The following EDARADD variants were observed in gnomAD, a reference collection of about 807,000 sequenced individuals.
EDARADD encodes ectodysplasin-A receptor-associated adapter protein.
In EDARADD, 20 loss-of-function variants were observed where a neutral mutation model predicts 25.6. That is an observed-to-expected ratio of 0.78 (90% CI 0.55 to 1.14). The LOEUF (loss-of-function observed/expected upper bound fraction) is 1.14. EDARADD is among the 50% of genes most tolerant of loss of function. The probability of loss-of-function intolerance (pLI) is 0.00; values close to 1 mark genes in which losing one functional copy is unlikely to be tolerated. For missense variants in EDARADD, 225 were observed against 270.1 expected (o/e 0.83, Z 1.17); for synonymous variants, 86 against 94.4 (o/e 0.91, Z 0.52).
upstream of EDARADD, among the ~76,000 whole-genome samples, chr1:236,390,944 G>T (rs2385384): frequency 6.7e-6 from 1 of 150,000 alleles, no homozygotes; most frequent in African/African-American, 2.4e-5. Flanking sequence ...TGGGTTAGTT[G>T]TTATTATTAT....
At chr1:236,397,550 T>C (rs1572127622) in intron 1 of EDARADD, among the ~76,000 whole-genome samples, 1 of 152,144 alleles carries the variant, frequency 6.6e-6, no homozygotes, top group South Asian at 2.1e-4. Context: ...CCAGGACATG[T>C]GGAGGAGTGA....
chr1:236,450,306 A>G (rs1658676876), intron 4 of EDARADD, among the ~76,000 whole-genome samples: 1 of 151,748 alleles, frequency 6.6e-6, no homozygotes, highest in Admixed American at 6.6e-5. Context: ...AAATAATAAT[A>G]ATAATAAAGA....
intron 3 of EDARADD, among the ~76,000 whole-genome samples, chr1:236,376,081 T>C (rs568235378): frequency 6.6e-6 from 1 of 151,518 alleles, no homozygotes; most frequent in East Asian, 2.0e-4. Flanking sequence ...ATTACAGGCA[T>C]GCACCACCAT....
chr1:236,483,561 C>T lies in EDARADD; in HGVS notation c.*912C>T, dbSNP rs1188840570. On this transcript the variant is annotated 3_prime_UTR_variant, in exon 6 of 6. Transcript: ENST00000334232. ...TGAGAAGGGGGTTCCCCTGTACCAC[C>T]ACATCGCCGACTTGTCTGGCAACTC... 1 of 1,267,810 alleles carries T rather than the reference C, an allele frequency of 7.9e-7. No individual in the cohort carries two copies. Among genetic ancestry groups the T allele is most frequent in the African/African-American group, 1.5e-5 (1 of 67,852 alleles). The allele number at this position is 1,267,810 out of a possible 1,614,324, so 78.5% of individuals were successfully genotyped here.
chr1:236,455,373 A>G (rs144128663), intron 4 of EDARADD, among the ~76,000 whole-genome samples: 4 of 152,300 alleles, frequency 2.6e-5, no homozygotes, highest in African/African-American at 9.6e-5. Context: ...GCTGGAGATG[A>G]TATCTGGTGT....
Position 236,395,430 on chromosome 1 carries a change from GA to G in EDARADD, c.61+927del. On this transcript the variant is annotated intron_variant, in intron 1 of 5. Coordinates refer to ENST00000334232, the MANE Select transcript of EDARADD (RefSeq NM_145861.4). This position sits in a 1 kb window ranked among gnomAD's most constrained non-coding sequence, Gnocchi z 6.9. ...GGGGCTTTGCTAATTGCCAAAGCAG[GA>G]AGTGAGCTCGTGGAAGAAGCGAAGG... is the stretch of plus-strand genomic sequence containing the variant. The G allele has an allele frequency of 6.8e-7, 1 of 1,461,968 alleles. No homozygotes were observed. The highest frequency in any genetic ancestry group is 9.0e-7 in the Non-Finnish European group (1 of 1,108,286). 90.6% of individuals were successfully genotyped at this position (1,461,968 alleles called of 1,614,324 possible). A position where few individuals can be genotyped will look rare whatever the true frequency, so the allele number is the denominator to read the frequency against.
chr1:236,372,026 G>C (rs970586676), intron 3 of EDARADD, among the ~76,000 whole-genome samples: 1 of 151,874 alleles, frequency 6.6e-6, no homozygotes, highest in Non-Finnish European at 1.5e-5. Flanking sequence ...GTGCGATCTC[G>C]GCTCACTGCA....
chr1:236,397,617 A>T (rs1188781204), intron 1 of EDARADD, among the ~76,000 whole-genome samples: 1 of 152,106 alleles, frequency 6.6e-6, no homozygotes, highest in Non-Finnish European at 1.5e-5. Flanking sequence ...TGTCTCTTTG[A>T]CTTCAAGAGG....
Position 236,395,417 on chromosome 1 carries a change from A to T in EDARADD, c.61+912A>T. 1 of 1,442,642 alleles carries T rather than the reference A, an allele frequency of 6.9e-7. No individual in the cohort carries two copies. The highest frequency in any genetic ancestry group is 9.1e-7 in the Non-Finnish European group (1 of 1,098,270). The allele number at this position is 1,442,642 out of a possible 1,614,324, so 89.4% of individuals were successfully genotyped here. A position where few individuals can be genotyped will look rare whatever the true frequency, so the allele number is the denominator to read the frequency against. ...GACGCGCAGCGAAGGGGCTTTGCTA[A>T]TTGCCAAAGCAGGAAGTGAGCTCGT... On this transcript the variant is annotated intron_variant, in intron 1 of 5. Coordinates refer to ENST00000334232, the MANE Select transcript of EDARADD (RefSeq NM_145861.4). The surrounding 1 kb of genome is among the most constrained non-coding windows in gnomAD (Gnocchi z 6.9).
At position 236,429,199 on chromosome 1, in the gene EDARADD, C is replaced by A. The variant is rs77429892; in HGVS notation, c.219+1749C>A. ...GGAGACTGTGCAGAGGGAGAGGGAG[C>A]GGGAGCGGGAGAGGGAGAGATTTTT... is the stretch of plus-strand genomic sequence containing the variant. On this transcript the variant is annotated intron_variant, in intron 4 of 5. Transcript: ENST00000334232. 1.9e-3 allele frequency among the ~76,000 whole-genome samples: 96 copies of A among 51,454 alleles called. 1 individual carries two copies. Among genetic ancestry groups the A allele is most frequent in the African/African-American group, 3.5e-3 (89 of 25,324 alleles). The allele number at this position is 51,454 out of a possible 152,430, so 33.8% of individuals were successfully genotyped here.
chr1:236,467,997 G>A (rs968404871), intron 4 of EDARADD, among the ~76,000 whole-genome samples: 7 of 152,038 alleles, frequency 4.6e-5, no homozygotes, highest in African/African-American at 1.7e-4. Flanking sequence ...CACTGTTCTG[G>A]GCACTGGGAC....
chr1:236,483,551 C>A lies in EDARADD; in HGVS notation c.*902C>A. ...CTAGTGCTGTTGAGAAGGGGGTTCC[C>A]CTGTACCACCACATCGCCGACTTGT... On this transcript the variant is annotated 3_prime_UTR_variant, in exon 6 of 6. Transcript: ENST00000334232. 1 of 1,201,388 alleles carries A rather than the reference C, an allele frequency of 8.3e-7. No individual in the cohort carries two copies. Among genetic ancestry groups the A allele is most frequent in the Non-Finnish European group, 1.2e-6 (1 of 806,206 alleles). 74.4% of individuals were successfully genotyped at this position (1,201,388 alleles called of 1,614,324 possible).
At chr1:236,409,120 A>T in intron 1 of EDARADD, 96 bp from the exon 2 acceptor site, 1 of 718,226 alleles carries the variant, frequency 1.4e-6, no homozygotes, top group Non-Finnish European at 2.2e-6. Context: ...AAGTAAAATT[A>T]CTTGCCTCTG....
intron 2 of EDARADD, among the ~76,000 whole-genome samples, chr1:236,409,714 A>T (rs1253612587): frequency 6.7e-6 from 1 of 149,814 alleles, no homozygotes; most frequent in Non-Finnish European, 1.5e-5. Context: ...GGCATGTGCC[A>T]CCATGCCTGG....
chr1:236,459,080 G>A (rs570552643), intron 4 of EDARADD, among the ~76,000 whole-genome samples: 2 of 152,230 alleles, frequency 1.3e-5, no homozygotes, highest in African/African-American at 4.8e-5. Flanking sequence ...ACACAATTGT[G>A]CACCCGAGGA....
intron 4 of EDARADD, among the ~76,000 whole-genome samples, chr1:236,445,939 AC>A (rs1365942638): frequency 6.6e-6 from 1 of 152,164 alleles, no homozygotes; most frequent in African/African-American, 2.4e-5. Context: ...CACTGTGAGC[AC>A]CCATACACAA....
At chr1:236,473,321 C>T (rs968547069) in intron 5 of EDARADD, among the ~76,000 whole-genome samples, 1 of 151,964 alleles carries the variant, frequency 6.6e-6, no homozygotes, top group South Asian at 2.1e-4. Flanking sequence ...GGACCCGGCC[C>T]GTGGAGATCT....
intron 3 of EDARADD, among the ~76,000 whole-genome samples, chr1:236,355,401 C>T (rs1260533099): frequency 6.6e-6 from 1 of 151,816 alleles, no homozygotes; most frequent in Non-Finnish European, 1.5e-5. Context: ...GACTGTTAGC[C>T]CTCTCTAATC....
chr1:236,373,484 G>T (rs1667194259), intron 3 of EDARADD, among the ~76,000 whole-genome samples: 2 of 152,240 alleles, frequency 1.3e-5, no homozygotes, highest in African/African-American at 4.8e-5. Flanking sequence ...GGGATTACAG[G>T]CATGAGCCAC....
Sources: allele counts gnomAD v4.1 joint callset (sites outside exome capture counted in the v4.1 genomes callset), GRCh38; gene constraint gnomAD v4.1.1; non-coding constraint Gnocchi (gnomAD v3.1); transcripts MANE v1.5; gene names NCBI Gene and HGNC (gene_info 2026-07-23, HGNC 2026-07-21).